Variants in MUC13 observed in about 807,000 individuals in gnomAD.
MUC13 encodes the protein mucin 13, cell surface associated, also known as mucin-13.
In MUC13, 32 loss-of-function variants were observed where a neutral mutation model predicts 48.3. The ratio of observed to expected loss-of-function variants is 0.66; its 90% confidence interval spans 0.50 to 0.89. The LOEUF (loss-of-function observed/expected upper bound fraction) is 0.89, where lower values mean the gene tolerates loss of function less well. Ranked by LOEUF, MUC13 falls within the 40% of genes least tolerant of loss-of-function variation. MUC13 has a pLI of 0.00. For missense variants in MUC13, 571 were observed against 622.8 expected (o/e 0.92, Z 0.88); for synonymous variants, 199 against 224.9 (o/e 0.88, Z 1.03).
Position 124,927,624 on chromosome 3 carries a change from T to C in MUC13, c.422A>G (p.Asn141Ser). The change falls in exon 2 of 12, where the codon AAC (asparagine) becomes AGC (serine). Residue 141 changes from asparagine to serine, a missense_variant. Coordinates refer to ENST00000616727, the MANE Select transcript of MUC13 (RefSeq NM_033049.4). ...TTCTGTGGTGGGGGACATTTCATTG[T>C]TACTTTGTGTTTCAGAAGGAACCAT... The part of the protein sequence containing the change: ...ITMVPSETQS[N>S]NEMSPTTEDN... The C allele has an allele frequency of 6.2e-7, 1 of 1,614,242 alleles. No homozygotes were observed. The highest frequency in any genetic ancestry group is 8.5e-7 in the Non-Finnish European group (1 of 1,180,030).
Position 124,913,525 on chromosome 3 carries a change from G to A in MUC13, c.1084+37C>T, listed in dbSNP as rs1156981142. On this transcript the variant is annotated intron_variant, in intron 7 of 11. Coordinates refer to ENST00000616727, the MANE Select transcript of MUC13 (RefSeq NM_033049.4). ...ATGTTGCAAAAGAAGAGAAAGTGAT[G>A]TTATGAAGAACATTTAGAAGCAGGT... is the stretch of plus-strand genomic sequence containing the variant. 3 of 1,613,074 alleles carry A rather than the reference G, an allele frequency of 1.9e-6. No individual in the cohort carries two copies. In the East Asian group the frequency reaches 6.7e-5, roughly 36 times the overall value.
intron 1 of MUC13, among the ~76,000 whole-genome samples, chr3:124,929,511 T>G (rs1935758181): frequency 6.6e-6 from 1 of 152,224 alleles, no homozygotes; most frequent in African/African-American, 2.4e-5. Context: ...TATGAGCCCC[T>G]TGAGGGCAGA....
chr3:124,932,070 T>G (rs1287414370), intron 1 of MUC13, among the ~76,000 whole-genome samples: 2 of 151,844 alleles, frequency 1.3e-5, no homozygotes. Context: ...AATAATAAAA[T>G]AAATATTTTT....
At chr3:124,929,980 G>A (rs1314625455) in intron 1 of MUC13, among the ~76,000 whole-genome samples, 2 of 152,244 alleles carry the variant, frequency 1.3e-5, no homozygotes, top group Non-Finnish European at 2.9e-5. Flanking sequence ...CATCGGAGTA[G>A]CAGTGAGAGT....
In MUC13 at chr3:124,927,882, C is replaced by T. The variant is rs756703222; in HGVS notation, c.164G>A (p.Ser55Asn). 6.2e-7 allele frequency: 1 copy of T among 1,613,684 alleles called. No homozygotes were observed. The highest frequency in any genetic ancestry group is 1.3e-5 in the African/African-American group (1 of 74,870). ...TTETNFPETASTTANTPSFPT... is the reference protein window; with the variant it reads ...TTETNFPETANTTANTPSFPT... ...GAAAGAAGGTGTATTTGCTGTGGTG[C>T]TAGCAGTTTCAGGGAAATTAGTTTC... Residue 55 changes from serine to asparagine, a missense_variant, in exon 2 of 12, where the codon AGC becomes AAC. Transcript: ENST00000616727.
chr3:124,914,180 G>A (rs1375255802), intron 6 of MUC13, among the ~76,000 whole-genome samples: 1 of 152,220 alleles, frequency 6.6e-6, no homozygotes, highest in Non-Finnish European at 1.5e-5. Context: ...GGGAGGCCGA[G>A]GCTGGTGGAT....
At chr3:124,924,645 T>C (rs1227329970) in intron 2 of MUC13, among the ~76,000 whole-genome samples, 2 of 152,136 alleles carry the variant, frequency 1.3e-5, no homozygotes, top group Non-Finnish European at 2.9e-5. Context: ...ATAGGTAATT[T>C]CAGGAGGGAG....
At chr3:124,919,040 T>A (rs1172644258) in intron 5 of MUC13, among the ~76,000 whole-genome samples, 1 of 152,196 alleles carries the variant, frequency 6.6e-6, no homozygotes, top group African/African-American at 2.4e-5. Context: ...CAAAGATTTT[T>A]AAAAGTTTTT....
chr3:124,915,589 T>A (rs1238254150), intron 6 of MUC13, among the ~76,000 whole-genome samples: 1 of 152,076 alleles, frequency 6.6e-6, no homozygotes, highest in Non-Finnish European at 1.5e-5. Flanking sequence ...AATTCTAGGG[T>A]TGCAGTAAAT....
intron 9 of MUC13, among the ~76,000 whole-genome samples, chr3:124,911,901 T>C (rs1303396538): frequency 6.6e-6 from 1 of 152,180 alleles, no homozygotes; most frequent in Non-Finnish European, 1.5e-5. Flanking sequence ...TCTGTTATTT[T>C]CTATGGCAGA....
rs756116545 is a variant in MUC13 at position 124,927,782 on chromosome 3, G to A, written c.264C>T (p.Pro88=). The A allele has an allele frequency of 6.2e-7, 1 of 1,606,466 alleles. No individual in the cohort carries two copies. The highest frequency in any genetic ancestry group is 8.5e-7 in the Non-Finnish European group (1 of 1,175,696). ...TGGAGGAACTATGTGTACTAATTAT[G>A]GGGGGAGCAGGTGTAGGAATTGTGG... ...SSSTIPTPAP[P]IISTHSSSTI... The change falls in exon 2 of 12, where the codon CCC becomes CCT. Residue 88 remains proline (P), a synonymous_variant. Transcript: ENST00000616727.
chr3:124,912,219 C>T lies in MUC13; in HGVS notation c.1215-78G>A, dbSNP rs1440794368. The T allele has an allele frequency of 2.5e-6, 4 of 1,569,056 alleles. No individual in the cohort carries two copies. In the Admixed American group the frequency reaches 5.5e-5, roughly 22 times the overall value. ...ATGTCAGAGTTCCCACCCCAATCTC[C>T]ACCTCTTCCTTTCCATCTTCCTTTT... On this transcript the variant is annotated intron_variant, in intron 8 of 11. Transcript: ENST00000616727.
At chr3:124,912,302 T>C in intron 8 of MUC13, 161 bp from the exon 9 acceptor site, 2 of 1,066,712 alleles carry the variant, frequency 1.9e-6, no homozygotes, top group Non-Finnish European at 1.3e-6. Flanking sequence ...ACTCTCATTC[T>C]TCCAGGAGAC....
intron 1 of MUC13, among the ~76,000 whole-genome samples, chr3:124,929,361 C>G (rs1935753295): frequency 6.6e-6 from 1 of 152,122 alleles, no homozygotes; most frequent in Middle Eastern, 3.4e-3. Context: ...TTTTCTAGAA[C>G]TTTTCCTTGT....
chr3:124,913,811 T>A, intron 6 of MUC13, 130 bp from the exon 7 acceptor site: 1 of 962,534 alleles, frequency 1.0e-6, no homozygotes, highest in Non-Finnish European at 1.6e-6. Flanking sequence ...GTGCAGTGGC[T>A]CACAACTGTA....
At chr3:124,928,950 A>G (rs1226644951) in intron 1 of MUC13, among the ~76,000 whole-genome samples, 1 of 152,184 alleles carries the variant, frequency 6.6e-6, no homozygotes, top group Non-Finnish European at 1.5e-5. Flanking sequence ...AAATAAAAAT[A>G]CCTCATTAAG....
At position 124,927,668 on chromosome 3, in the gene MUC13, T is replaced by A. The variant is rs145010235; in HGVS notation, c.378A>T (p.Pro126=). The A allele has an allele frequency of 0.023, 37,024 of 1,614,202 alleles. 568 individuals carry two copies. The highest frequency in any genetic ancestry group is 0.052 in the Middle Eastern group (318 of 6,062). ...GAACCATTGTGATTAATCCATCATT[T>A]GGAGATGAAGCGGTGATTATGTCAG... The part of the protein sequence containing the change: ...ATSDIITASS[P]NDGLITMVPS... The change falls in exon 2 of 12, where the codon CCA becomes CCT. Residue 126 remains proline, a synonymous_variant. Transcript: ENST00000616727.
At chr3:124,907,572 C>T (rs996096222) in intron 11 of MUC13, among the ~76,000 whole-genome samples, 1 of 151,962 alleles carries the variant, frequency 6.6e-6, no homozygotes, top group African/African-American at 2.4e-5. Flanking sequence ...GAGCCAAGAT[C>T]GTACCACTGG....
At chr3:124,910,553 C>G in intron 9 of MUC13, 54 bp from the exon 10 acceptor site, 1 of 1,606,986 alleles carries the variant, frequency 6.2e-7, no homozygotes, top group Non-Finnish European at 8.5e-7. Flanking sequence ...CCCCAACTGT[C>G]TACTGCACAG....
Sources: gnomAD v4.1 joint callset for allele counts (sites outside exome capture counted in the v4.1 genomes callset) on GRCh38, gnomAD v4.1.1 for gene constraint, MANE v1.5 for transcripts, NCBI Gene and HGNC (gene_info 2026-07-23, HGNC 2026-07-21) for gene names.